Variants in RPGRIP1L observed in about 807,000 individuals in gnomAD.
RPGRIP1L encodes RPGRIP1 like, also known as protein fantom.
RPGRIP1L carries 131 observed loss-of-function variants against 160.4 expected under a neutral mutation model. The observed-to-expected ratio is 0.82, with a 90% CI of 0.71 to 0.94. RPGRIP1L has a LOEUF of 0.94. RPGRIP1L is among the 40% of genes least tolerant of loss of function. The pLI is 0.00. For synonymous variants in RPGRIP1L, 510 were observed against 515.8 expected (o/e 0.99, Z 0.15); for missense variants, 1,522 against 1,535.8 (o/e 0.99, Z 0.15).
At chr16:53,686,380 G>A (rs1205201605) in intron 6 of RPGRIP1L, 53 bp downstream of exon 6, 1 of 1,551,384 alleles carries the variant, frequency 6.4e-7, no homozygotes, top group Non-Finnish European at 8.9e-7. Flanking sequence ...ACATGATAAA[G>A]TATTTTAAAC....
chr16:53,670,761 C>T (rs1968646349), intron 9 of RPGRIP1L, among the ~76,000 whole-genome samples: 1 of 151,944 alleles, frequency 6.6e-6, no homozygotes, highest in African/African-American at 2.4e-5. Flanking sequence ...AAGAAAGAGA[C>T]CAAAAGAGGT....
intron 16 of RPGRIP1L, among the ~76,000 whole-genome samples, chr16:53,648,620 G>A (rs1475217939): frequency 6.7e-4 from 42 of 62,484 alleles, no homozygotes; most frequent in African/African-American, 1.5e-3. Flanking sequence ...GCGTGCGCGC[G>A]CGCGCGCACA....
intron 22 of RPGRIP1L, among the ~76,000 whole-genome samples, chr16:53,625,377 C>G (rs372098914): frequency 1.6e-3 from 235 of 151,220 alleles, no homozygotes; most frequent in African/African-American, 5.3e-3. Context: ...GCCGCCACCC[C>G]GTCTGGGAAC....
chr16:53,663,632 T>C (rs1024351710), intron 10 of RPGRIP1L, among the ~76,000 whole-genome samples: 3 of 152,036 alleles, frequency 2.0e-5, no homozygotes, highest in South Asian at 2.1e-4. Flanking sequence ...ATTTCTGACA[T>C]GAAAACTTAA....
At chr16:53,654,782 G>A (rs1166135857) in intron 14 of RPGRIP1L, among the ~76,000 whole-genome samples, 3 of 152,148 alleles carry the variant, frequency 2.0e-5, no homozygotes, top group Non-Finnish European at 4.4e-5. Flanking sequence ...AACTTGAAAG[G>A]AATGAAAATC....
intron 24 of RPGRIP1L, among the ~76,000 whole-genome samples, chr16:53,616,462 G>C (rs1312950913): frequency 2.0e-5 from 3 of 152,046 alleles, no homozygotes; most frequent in African/African-American, 7.2e-5. Flanking sequence ...GATGACCTAG[G>C]AGCTCATTTT....
At chr16:53,633,119 A>G (rs1211578218) in intron 22 of RPGRIP1L, among the ~76,000 whole-genome samples, 2 of 152,216 alleles carry the variant, frequency 1.3e-5, no homozygotes, top group African/African-American at 4.8e-5. Context: ...ATTCCTTCCT[A>G]TGAAAGCTAT....
At chr16:53,699,621 G>A (rs1281067393) in intron 2 of RPGRIP1L, among the ~76,000 whole-genome samples, 1 of 152,058 alleles carries the variant, frequency 6.6e-6, no homozygotes, top group South Asian at 2.1e-4. Context: ...GCAGAGCAAA[G>A]CTTACACATA....
chr16:53,636,319 C>A (rs1650359359), intron 22 of RPGRIP1L, 120 bp downstream of exon 22: 6 of 756,002 alleles, frequency 7.9e-6, no homozygotes, highest in Middle Eastern at 2.3e-4. Context: ...TTATGATAAA[C>A]ATTAAAGTTT....
intron 21 of RPGRIP1L, 136 bp from the exon 22 acceptor site, chr16:53,636,648 T>C (rs1404408757): frequency 8.8e-6 from 5 of 568,100 alleles, no homozygotes; most frequent in Middle Eastern, 7.3e-4. Context: ...TCTTTTTTAG[T>C]AGCAAATTTG....
chr16:53,615,377 C>T (rs1964297077), intron 24 of RPGRIP1L, among the ~76,000 whole-genome samples: 2 of 149,930 alleles, frequency 1.3e-5, no homozygotes, highest in Non-Finnish European at 3.0e-5. Flanking sequence ...CAATAAAATA[C>T]AAATGTTTTG....
intron 23 of RPGRIP1L, among the ~76,000 whole-genome samples, chr16:53,620,927 T>A (rs763940344): frequency 6.6e-6 from 1 of 152,226 alleles, no homozygotes; most frequent in Non-Finnish European, 1.5e-5. Flanking sequence ...TTAAGTCTTC[T>A]ACATAAGTTG....
chr16:53,626,132 G>A (rs1041605989), intron 22 of RPGRIP1L, among the ~76,000 whole-genome samples: 5 of 60,880 alleles, frequency 8.2e-5, no homozygotes, highest in Non-Finnish European at 1.4e-4. Flanking sequence ...AACCAAGAAT[G>A]ATCAATAAAT....
chr16:53,608,175 C>T (rs1306791949), intron 25 of RPGRIP1L, among the ~76,000 whole-genome samples: 1 of 152,208 alleles, frequency 6.6e-6, no homozygotes, highest in South Asian at 2.1e-4. Flanking sequence ...TATACTCCTT[C>T]ATGCCTGGAG....
intron 25 of RPGRIP1L, among the ~76,000 whole-genome samples, chr16:53,608,818 G>A (rs1025358837): frequency 6.6e-6 from 1 of 152,022 alleles, no homozygotes; most frequent in African/African-American, 2.4e-5. Flanking sequence ...ATTGGCTTTT[G>A]GCTGTGGAAA....
chr16:53,694,492 A>G (rs1289739357), intron 3 of RPGRIP1L: 3 of 151,808 alleles, frequency 2.0e-5, no homozygotes, highest in Non-Finnish European at 2.9e-5. Flanking sequence ...CTACATTTAT[A>G]GAAAATAAAC....
intron 8 of RPGRIP1L, 82 bp from the exon 9 acceptor site, chr16:53,671,665 T>C (rs1968747576): frequency 8.5e-6 from 6 of 707,696 alleles, no homozygotes; most frequent in East Asian, 2.8e-5. Context: ...AAAAACTCTA[T>C]ATGAGAGAAG....
intron 24 of RPGRIP1L, among the ~76,000 whole-genome samples, chr16:53,611,576 G>T (rs1355096582): frequency 1.3e-5 from 2 of 152,226 alleles, no homozygotes; most frequent in East Asian, 1.9e-4. Flanking sequence ...GGAGAGAAAC[G>T]TGCAGGGAGA....
intron 9 of RPGRIP1L, among the ~76,000 whole-genome samples, chr16:53,666,066 T>C (rs544975771): frequency 6.6e-6 from 1 of 152,256 alleles, no homozygotes; most frequent in East Asian, 1.9e-4. Context: ...ACTTATAAAA[T>C]CTTGTTTTAT....
Sources: gnomAD v4.1 joint callset for allele counts (sites outside exome capture counted in the v4.1 genomes callset) on GRCh38, gnomAD v4.1.1 for gene constraint, MANE v1.5 for transcripts, NCBI Gene and HGNC (gene_info 2026-07-23, HGNC 2026-07-21) for gene names.